MECOM: variants seen among roughly 807,000 people sequenced by gnomAD.
MECOM encodes the protein MDS1 and EVI1 complex locus.
Under a neutral mutation model 116.3 loss-of-function variants are expected in MECOM, and 13 were observed. The observed-to-expected ratio is 0.11, with a 90% CI of 0.07 to 0.18. The LOEUF is 0.18. MECOM is among the 10% of genes least tolerant of loss of function. The pLI is 1.00. For synonymous variants in MECOM, 528 were observed against 535.2 expected (o/e 0.99, Z 0.19); for missense variants, 1,299 against 1,509.0 (o/e 0.86, Z 2.31).
intron 2 of MECOM, among the ~76,000 whole-genome samples, chr3:169,379,012 T>A (rs894851141): frequency 6.6e-6 from 1 of 151,804 alleles, no homozygotes; most frequent in African/African-American, 2.4e-5. Context: ...TATCTCTAAC[T>A]AAATAGGAGG....
At chr3:169,616,621 C>T (rs1338319538) in intron 1 of MECOM, among the ~76,000 whole-genome samples, 4 of 152,256 alleles carry the variant, frequency 2.6e-5, no homozygotes, top group South Asian at 2.1e-4. Context: ...ATTATAGGCA[C>T]GAGTCACTGC....
intron 7 of MECOM, among the ~76,000 whole-genome samples, chr3:169,118,368 T>A (rs1729864373): frequency 6.6e-6 from 1 of 152,194 alleles, no homozygotes; most frequent in Non-Finnish European, 1.5e-5. Flanking sequence ...GTGATATCTT[T>A]TCAAATTATT....
intron 2 of MECOM, among the ~76,000 whole-genome samples, chr3:169,247,292 C>A (rs114394107): frequency 0.026 from 3,886 of 150,806 alleles, 195 homozygotes; most frequent in African/African-American, 0.091. Context: ...AGCTAACCAT[C>A]CACCTAATAC....
intron 1 of MECOM, among the ~76,000 whole-genome samples, chr3:169,520,871 A>AC (rs1334804679): frequency 1.6e-4 from 24 of 152,122 alleles, no homozygotes; most frequent in African/African-American, 5.6e-4. Flanking sequence ...CTCTGCACCC[A>AC]CCCCAATTGC....
chr3:169,214,611 A>T (rs74576660), intron 2 of MECOM, among the ~76,000 whole-genome samples: 2,637 of 151,850 alleles, frequency 0.017, 35 homozygotes, highest in Middle Eastern at 0.048. Context: ...AAAGAAAGTA[A>T]TTGACAATGA....
Position 169,455,152 on chromosome 3 carries a change from G to T in MECOM, c.38-73628C>A, listed in dbSNP as rs571748885. Reference sequence around the variant, plus strand: ...CAAATAGGCTAAGTGTCATTATAAGGTTAGCTCCAGAGAACTCAAGTCAGA... The same window carrying T: ...CAAATAGGCTAAGTGTCATTATAAGTTTAGCTCCAGAGAACTCAAGTCAGA... On this transcript the variant is annotated intron_variant, in intron 1 of 16. Coordinates refer to ENST00000651503, the MANE Select transcript of MECOM (RefSeq NM_004991.4). Among the ~76,000 whole-genome samples the T allele has an allele frequency of 6.6e-5, 10 of 152,230 alleles. No homozygotes were observed. In the South Asian group the frequency reaches 1.9e-3, roughly 28 times the overall value.
At position 169,611,409 on chromosome 3, in the gene MECOM, A is replaced by T. The variant is rs1427076859; in HGVS notation, c.37+51927T>A. Among the ~76,000 whole-genome samples, 5 of 152,170 alleles carry T rather than the reference A, an allele frequency of 3.3e-5. No homozygotes were observed. The highest frequency in any genetic ancestry group is 1.5e-5 in the Non-Finnish European group (1 of 68,028). On this transcript the variant is annotated intron_variant, in intron 1 of 16. Transcript: ENST00000651503. This position sits in a 1 kb window ranked among gnomAD's most constrained non-coding sequence, Gnocchi z 4.1. ...TTCCATTCACACATTTTGTCCCCCT[A>T]ACCCTGTCTTTTCTGAGGGTGCATC...
rs145026255 is a variant in MECOM at position 169,203,533 on chromosome 3, A to C, written c.376-59701T>G. 4.7e-3 allele frequency among the ~76,000 whole-genome samples: 721 copies of C among 152,312 alleles called. 7 individuals carry two copies. The highest frequency in any genetic ancestry group is 0.017 in the Middle Eastern group (5 of 294). ...AGGTAACAATATAATAATGCACATG[A>C]ATACACTTTATAAACTAAAATGCAC... On this transcript the variant is annotated intron_variant, in intron 2 of 16. Transcript: ENST00000651503.
intron 2 of MECOM, among the ~76,000 whole-genome samples, chr3:169,361,858 G>C (rs1052246451): frequency 6.6e-6 from 1 of 151,712 alleles, no homozygotes; most frequent in Non-Finnish European, 1.5e-5. Flanking sequence ...CCCCGAGAAA[G>C]AATGCAGTTC....
At chr3:169,323,822 C>T (rs1479331955) in intron 2 of MECOM, among the ~76,000 whole-genome samples, 3 of 152,272 alleles carry the variant, frequency 2.0e-5, no homozygotes, top group Middle Eastern at 3.4e-3. Flanking sequence ...AGTATGTTGG[C>T]ATTTTTATAA....
intron 1 of MECOM, among the ~76,000 whole-genome samples, chr3:169,559,786 A>G (rs1375178335): frequency 2.0e-5 from 3 of 152,206 alleles, no homozygotes; most frequent in Non-Finnish European, 4.4e-5. Flanking sequence ...TATACGACAG[A>G]TTAAATGGGT....
At chr3:169,602,071 T>G (rs1183821542) in intron 1 of MECOM, among the ~76,000 whole-genome samples, 1 of 152,212 alleles carries the variant, frequency 6.6e-6, no homozygotes, top group Non-Finnish European at 1.5e-5. Context: ...TGCATACTAG[T>G]GTCCTAAATA....
chr3:169,421,824 G>C (rs1292476386), intron 1 of MECOM, among the ~76,000 whole-genome samples: 1 of 152,076 alleles, frequency 6.6e-6, no homozygotes, highest in African/African-American at 2.4e-5. Context: ...AAGGTAAGAG[G>C]TGAGAGCCTG....
chr3:169,112,707 G>T, intron 9 of MECOM, 80 bp downstream of exon 9: 2 of 1,047,012 alleles, frequency 1.9e-6, no homozygotes, highest in Non-Finnish European at 1.5e-6. Context: ...TTCTCAAGAT[G>T]TCTTTCATTT....
intron 3 of MECOM, among the ~76,000 whole-genome samples, chr3:169,141,303 CTT>C (rs1315608912): frequency 6.6e-6 from 1 of 151,990 alleles, no homozygotes; most frequent in Non-Finnish European, 1.5e-5. Context: ...AAGAGAAACA[CTT>C]TTTATAATTT....
At chr3:169,568,201 T>A (rs947052686) in intron 1 of MECOM, among the ~76,000 whole-genome samples, 2 of 152,138 alleles carry the variant, frequency 1.3e-5, no homozygotes, top group African/African-American at 4.8e-5. Flanking sequence ...GATACTATGC[T>A]TTTCCAACTG....
At chr3:169,617,618 C>T (rs1183594228) in intron 1 of MECOM, among the ~76,000 whole-genome samples, 2 of 152,200 alleles carry the variant, frequency 1.3e-5, no homozygotes, top group Non-Finnish European at 2.9e-5. Context: ...TAGAGAAAAG[C>T]TGACATCACT....
intron 2 of MECOM, among the ~76,000 whole-genome samples, chr3:169,237,450 C>T (rs968887037): frequency 1.3e-5 from 2 of 151,846 alleles, no homozygotes; most frequent in African/African-American, 4.8e-5. Context: ...AACTGACCAC[C>T]CTTAGTCACT....
chr3:169,318,651 T>C (rs1720224788), intron 2 of MECOM, among the ~76,000 whole-genome samples: 1 of 152,142 alleles, frequency 6.6e-6, no homozygotes, highest in South Asian at 2.1e-4. Context: ...TAAATAGGAA[T>C]GCTTTTACAC....
Sources: gnomAD v4.1 joint callset for allele counts (sites outside exome capture counted in the v4.1 genomes callset) on GRCh38, gnomAD v4.1.1 for gene constraint, Gnocchi (gnomAD v3.1) non-coding constraint, MANE v1.5 for transcripts, NCBI Gene and HGNC (gene_info 2026-07-23, HGNC 2026-07-21) for gene names.